The following NEK4 variants were observed in gnomAD, a reference collection of about 807,000 sequenced individuals.
NEK4 encodes serine/threonine-protein kinase Nek4.
Under a neutral mutation model 98.4 loss-of-function variants are expected in NEK4, and 86 were observed. The ratio of observed to expected loss-of-function variants is 0.87; its 90% CI spans 0.73 to 1.05. NEK4 has a LOEUF of 1.05. NEK4 is among the 50% of genes least tolerant of loss of function. The probability of loss-of-function intolerance (pLI) is 0.00; values close to 1 mark genes in which losing one functional copy is unlikely to be tolerated. For missense variants in NEK4, 898 were observed against 950.3 expected (o/e 0.94, Z 0.72); for synonymous variants, 328 against 342.2 (o/e 0.96, Z 0.46).
chr3:52,764,388 T>C lies in NEK4; in HGVS notation c.667-764A>G, dbSNP rs191309602. ...GGCTCACACCTGTAATCTCAGCACC[T>C]TGGGAGGCCGAGGCGGGTGGATCAT... On this transcript the variant is annotated intron_variant, in intron 4 of 15. Coordinates refer to ENST00000233027, the MANE Select transcript of NEK4 (RefSeq NM_003157.6). Among the ~76,000 whole-genome samples, 831 of 151,658 alleles carry C rather than the reference T, an allele frequency of 5.5e-3. 13 individuals carry two copies. In the South Asian group the frequency reaches 0.067, roughly 12 times the overall value.
At chr3:52,728,815 T>TG (rs1208061598) in intron 15 of NEK4, among the ~76,000 whole-genome samples, 1 of 152,116 alleles carries the variant, frequency 6.6e-6, no homozygotes, top group African/African-American at 2.4e-5. Flanking sequence ...AATGCATCCC[T>TG]GGGGGGAGGT....
intron 2 of NEK4, among the ~76,000 whole-genome samples, chr3:52,767,255 G>A (rs1215669670): frequency 6.6e-6 from 1 of 151,258 alleles, no homozygotes. Flanking sequence ...CACTGCACTC[G>A]AATCTGGGCG....
rs372005398 is a variant in NEK4 at position 52,739,440 on chromosome 3, T to C, written c.2288A>G (p.Glu763Gly). 1.8e-4 allele frequency: 289 copies of C among 1,613,720 alleles called. 2 individuals are homozygous for C. The South Asian group carries it at 3.0e-3, about 17-fold the overall frequency. The change falls in exon 14 of 16, where the codon GAG becomes GGG. Residue 763 changes from glutamate to glycine, a missense_variant. By Grantham distance (98) the Glu-to-Gly change is moderately conservative. Coordinates refer to ENST00000233027, the MANE Select transcript of NEK4 (RefSeq NM_003157.6). ...AEEAEEIHFK[E>G]LPSAIMPGSE... ...AATAAGCTGATCACCTGAAGGTAGCTCTTTAAAATGGATTTCCTCTGCCTC... is the reference window on the plus strand; with the variant it reads ...AATAAGCTGATCACCTGAAGGTAGCCCTTTAAAATGGATTTCCTCTGCCTC...
At chr3:52,724,338 A>G (rs1026371338) in intron 15 of NEK4, among the ~76,000 whole-genome samples, 1 of 152,160 alleles carries the variant, frequency 6.6e-6, no homozygotes, top group African/African-American at 2.4e-5. Context: ...CATACAAAGG[A>G]TAAGATTACC....
chr3:52,760,967 T>A (rs1286798821), intron 5 of NEK4, 31 bp from the exon 6 acceptor site: 10 of 1,418,034 alleles, frequency 7.1e-6, no homozygotes, highest in Non-Finnish European at 9.8e-6. Flanking sequence ...AGAGTTATTA[T>A]CAATATACTG....
At chr3:52,711,890 A>G (rs189668684) in intron 15 of NEK4, 21 bp from the exon 16 acceptor site, 193 of 1,438,828 alleles carry the variant, frequency 1.3e-4, no homozygotes, top group Admixed American at 1.7e-4. Flanking sequence ...AACAAAAAGA[A>G]AATCAATCAG....
intron 15 of NEK4, among the ~76,000 whole-genome samples, chr3:52,736,716 T>C (rs1376966715): frequency 1.3e-5 from 2 of 152,186 alleles, no homozygotes; most frequent in Admixed American, 6.5e-5. Flanking sequence ...GTTAATATTA[T>C]GTGCTTTCTA....
rs1207742319 is a variant in NEK4, at chr3:52,752,123, C to T, written c.1177G>A (p.Ala393Thr). ...VQENQPRYLDASNELGGICSI... is the reference protein window; with the variant it reads ...VQENQPRYLDTSNELGGICSI... ...CATATACCTCCTAACTCATTAGAGG[C>T]ATCCAAATATCTTGGCTGATTCTCC... The change falls in exon 7 of 16, where the codon GCC (alanine) becomes ACC (threonine). Residue 393 changes from alanine (A) to threonine (T), a missense_variant. Ala to Thr is a moderately conservative substitution (Grantham distance 58). Transcript: ENST00000233027. The T allele has an allele frequency of 6.2e-7, 1 of 1,614,056 alleles. No individual in the cohort carries two copies. Among genetic ancestry groups the T allele is most frequent in the East Asian group, 2.2e-5 (1 of 44,896 alleles).
rs9871688 is a variant in NEK4, at chr3:52,756,916, G to A, written c.963+3879C>T. ...TAAAATCCAACAGCAAAAAATGAAC[G>A]ACCCAACTCAAAAATGGGCAAAGGA... On this transcript the variant is annotated intron_variant, in intron 6 of 15. Transcript: ENST00000233027. Among the ~76,000 whole-genome samples, 77 of 152,114 alleles carry A rather than the reference G, an allele frequency of 5.1e-4. 1 individual carries two copies. The highest frequency in any genetic ancestry group is 1.7e-3 in the African/African-American group (72 of 41,494).
chr3:52,710,699 T>C lies in NEK4; in HGVS notation c.*1078A>G, dbSNP rs1392775280. 6.6e-6 allele frequency: 1 copy of C among 151,974 alleles called. No individual in the cohort carries two copies. 9.4% of individuals were successfully genotyped at this position (151,974 alleles called of 1,614,324 possible). ...ACCACTTGAGCCCCAGAAGTGGAGGTTGCAGTGAGTTGAGATCATGCCACT... is the reference window on the plus strand; with the variant it reads ...ACCACTTGAGCCCCAGAAGTGGAGGCTGCAGTGAGTTGAGATCATGCCACT... On this transcript the variant is annotated 3_prime_UTR_variant, in exon 16 of 16. Coordinates refer to ENST00000233027, the MANE Select transcript of NEK4 (RefSeq NM_003157.6).
At position 52,749,044 on chromosome 3, in the gene NEK4, A is replaced by G. The variant is rs188862457; in HGVS notation, c.1506+648T>C. ...GGAGGCTGCAGTGAGCTGAGATCAC[A>G]TCACTGCACTCCAGCCTTAGCAACA... On this transcript the variant is annotated intron_variant, in intron 8 of 15. Coordinates refer to ENST00000233027, the MANE Select transcript of NEK4 (RefSeq NM_003157.6). 3.3e-5 allele frequency among the ~76,000 whole-genome samples: 5 copies of G among 152,076 alleles called. No individual in the cohort carries two copies. In the East Asian group the frequency reaches 7.7e-4, roughly 23 times the overall value.
chr3:52,743,306 C>G (rs981204840), intron 12 of NEK4, 46 bp downstream of exon 12: 2 of 1,468,320 alleles, frequency 1.4e-6, no homozygotes, highest in Non-Finnish European at 1.9e-6. Flanking sequence ...ATTAGGCCTG[C>G]CAGATGTAGA....
At chr3:52,726,397 C>G (rs572004110) in intron 15 of NEK4, among the ~76,000 whole-genome samples, 118 of 151,400 alleles carry the variant, frequency 7.8e-4, no homozygotes, top group African/African-American at 2.6e-3. Context: ...AGGAGATTGA[C>G]ACCATCCTGG....
Position 52,766,188 on chromosome 3 carries a change from T to C in NEK4, c.548A>G (p.Tyr183Cys). ...AGAGCCCAATCCTACCTTATAGTTG[T>C]AGGGTTTGTTTGAGAACAATTCAGG... is the stretch of plus-strand genomic sequence containing the variant. The part of the protein sequence containing the change: ...MSPELFSNKP[Y>C]NYKSDVWALG... Residue 183 changes from tyrosine to cysteine, a missense_variant, in exon 3 of 16, where the codon TAC becomes TGC. By Grantham distance (194) the Tyr-to-Cys change is radical. Coordinates refer to ENST00000233027, the MANE Select transcript of NEK4 (RefSeq NM_003157.6). The C allele has an allele frequency of 1.2e-6, 2 of 1,613,972 alleles. No homozygotes were observed. The highest frequency in any genetic ancestry group is 1.1e-5 in the South Asian group (1 of 91,058).
intron 6 of NEK4, among the ~76,000 whole-genome samples, chr3:52,757,169 A>G (rs887388676): frequency 6.6e-6 from 1 of 152,252 alleles, no homozygotes; most frequent in Non-Finnish European, 1.5e-5. Flanking sequence ...AAAATGATAC[A>G]GAAGTTGTGG....
Position 52,721,085 on chromosome 3 carries a change from G to A in NEK4, c.2434-9216C>T, listed in dbSNP as rs1451416349. 2.0e-5 allele frequency among the ~76,000 whole-genome samples: 3 copies of A among 152,334 alleles called. No individual in the cohort carries two copies. The East Asian group carries it at 5.8e-4, about 29-fold the overall frequency. On this transcript the variant is annotated intron_variant, in intron 15 of 15. Transcript: ENST00000233027. Reference sequence around the variant, plus strand: ...GAAACATCTGGCGGAAGTCTTAGAAGCTAAATTGTGGTTCACTTCAGCCCC... The same window carrying A: ...GAAACATCTGGCGGAAGTCTTAGAAACTAAATTGTGGTTCACTTCAGCCCC...
intron 14 of NEK4, among the ~76,000 whole-genome samples, chr3:52,738,775 A>G (rs1402251574): frequency 2.6e-5 from 4 of 152,164 alleles, no homozygotes; most frequent in Non-Finnish European, 5.9e-5. Flanking sequence ...TTATACTGAC[A>G]TTCTTTTTTC....
chr3:52,713,663 G>A (rs368651690), intron 15 of NEK4, among the ~76,000 whole-genome samples: 222 of 151,978 alleles, frequency 1.5e-3, no homozygotes, highest in African/African-American at 5.2e-3. Flanking sequence ...GCATGGTGGC[G>A]CATGCCTGTA....
rs111592226 is a variant in NEK4, at chr3:52,719,453, C to T, written c.2434-7584G>A. ...ACAAAATTAGCCAGGTATGGTGACA[C>T]GCACCTGTAGTCCCAGTTACTCGGA... On this transcript the variant is annotated intron_variant, in intron 15 of 15. Coordinates refer to ENST00000233027, the MANE Select transcript of NEK4 (RefSeq NM_003157.6). 2.8e-3 allele frequency among the ~76,000 whole-genome samples: 431 copies of T among 151,958 alleles called. 1 individual carries two copies. The highest frequency in any genetic ancestry group is 0.01 in the Middle Eastern group (3 of 294).
Sources: allele counts gnomAD v4.1 joint callset (sites outside exome capture counted in the v4.1 genomes callset), GRCh38; gene constraint gnomAD v4.1.1; transcripts MANE v1.5; gene names NCBI Gene and HGNC (gene_info 2026-07-23, HGNC 2026-07-21).